The following SAMD4B variants were observed in gnomAD, a reference collection of about 807,000 sequenced individuals.
The protein encoded by SAMD4B is sterile alpha motif domain containing 4B, also known as protein Smaug homolog 2.
In SAMD4B, 5 loss-of-function variants were observed where a neutral mutation model predicts 74.5. The ratio of observed to expected loss-of-function variants is 0.07; its 90% CI spans 0.04 to 0.14. SAMD4B has a LOEUF of 0.14. Among genes scored for constraint, SAMD4B ranks in the 10% least tolerant of loss-of-function variants. SAMD4B has a pLI of 1.00. For synonymous variants in SAMD4B, 373 were observed against 374.9 expected, an observed-to-expected ratio of 1.00 and a Z score of 0.06; for missense variants, 608 against 921.8, an observed-to-expected ratio of 0.66 and a Z score of 4.41.
intron 3 of SAMD4B, among the ~76,000 whole-genome samples, chr19:39,357,440 G>A (rs766656493): frequency 6.6e-6 from 1 of 152,140 alleles, no homozygotes; most frequent in Non-Finnish European, 1.5e-5. Context: ...TAAGCTTCAG[G>A]ATATCAGGGC....
At chr19:39,359,157 C>T (rs1188058823) in intron 3 of SAMD4B, among the ~76,000 whole-genome samples, 9 of 152,226 alleles carry the variant, frequency 5.9e-5, no homozygotes, top group Admixed American at 3.9e-4. Flanking sequence ...TGATATGACT[C>T]TGCCTTTATA....
At chr19:39,345,521 G>C (rs557550665) in intron 1 of SAMD4B, among the ~76,000 whole-genome samples, 64 of 151,968 alleles carry the variant, frequency 4.2e-4, no homozygotes, top group Non-Finnish European at 6.5e-4. Context: ...CTTCACATAG[G>C]CACCCTCCCC....
At chr19:39,344,360 G>T (rs998013863) in intron 1 of SAMD4B, among the ~76,000 whole-genome samples, 2 of 151,122 alleles carry the variant, frequency 1.3e-5, no homozygotes, top group African/African-American at 4.8e-5. Flanking sequence ...CCTCAACTGA[G>T]ATCTCTGAAG....
At chr19:39,377,161 C>T (rs1196146816) in intron 7 of SAMD4B, among the ~76,000 whole-genome samples, 6 of 152,118 alleles carry the variant, frequency 3.9e-5, no homozygotes, top group Non-Finnish European at 8.8e-5. Context: ...CATCTGATTC[C>T]GTTTCCTTGC....
intron 1 of SAMD4B, among the ~76,000 whole-genome samples, chr19:39,344,264 C>G (rs752191410): frequency 6.6e-6 from 1 of 152,114 alleles, no homozygotes; most frequent in Non-Finnish European, 1.5e-5. Flanking sequence ...TCCTATAATT[C>G]TTTCTGAAAA....
chr19:39,380,950 TCTG>T, intron 11 of SAMD4B, 37 bp from the exon 12 acceptor site: 1 of 1,573,774 alleles, frequency 6.4e-7, no homozygotes, highest in Non-Finnish European at 8.6e-7. Context: ...CTGGGCCTCT[TCTG>T]CACTCACTAC....
intron 11 of SAMD4B, 71 bp from the exon 12 acceptor site, chr19:39,380,919 C>T: frequency 6.5e-7 from 1 of 1,543,732 alleles, no homozygotes; most frequent in East Asian, 2.3e-5. Flanking sequence ...AAGGCCTGTA[C>T]CACCTCCACC....
At position 39,383,875 on chromosome 19, in the gene SAMD4B, G is replaced by A. The variant is rs2078153983; in HGVS notation, c.*348G>A. On this transcript the variant is annotated 3_prime_UTR_variant, in exon 14 of 14. Transcript: ENST00000610417. The surrounding 1 kb of genome is among the most constrained non-coding windows in gnomAD (Gnocchi z 4.1). ...GCTGACCACCTGCCTCTCCCCAAGG[G>A]AGCAGACTCCCCAGAGACAAACTGA... is the stretch of plus-strand genomic sequence containing the variant. 38 of 651,300 alleles carry A rather than the reference G, an allele frequency of 5.8e-5. No individual in the cohort carries two copies. The South Asian group carries it at 7.2e-4, about 12-fold the overall frequency. The allele number at this position is 651,300 out of a possible 1,614,324, so 40.3% of individuals were successfully genotyped here. A position where few individuals can be genotyped will look rare whatever the true frequency, so the allele number is the denominator to read the frequency against.
At chr19:39,374,172 G>A (rs2077466101) in intron 4 of SAMD4B, among the ~76,000 whole-genome samples, 2 of 152,144 alleles carry the variant, frequency 1.3e-5, no homozygotes, top group South Asian at 2.1e-4. Context: ...TCGGGAGGCT[G>A]AGGCAGGAGA....
chr19:39,363,074 A>G (rs1445009794), intron 3 of SAMD4B, among the ~76,000 whole-genome samples: 2 of 152,116 alleles, frequency 1.3e-5, no homozygotes, highest in African/African-American at 4.8e-5. Flanking sequence ...AGGCTACTCC[A>G]ATTGTTGCAC....
intron 9 of SAMD4B, among the ~76,000 whole-genome samples, chr19:39,379,325 C>T (rs577236754): frequency 1.3e-5 from 2 of 152,168 alleles, no homozygotes; most frequent in Non-Finnish European, 2.9e-5. Flanking sequence ...TTGTCAGCAA[C>T]AGTACCCTTT....
chr19:39,389,107 C>T, downstream of SAMD4B: 1 of 1,614,006 alleles, frequency 6.2e-7, no homozygotes, highest in Non-Finnish European at 8.5e-7. The surrounding 1 kb of genome is among the most constrained non-coding windows in gnomAD (Gnocchi z 5.3). Context: ...TTCTGGGCAT[C>T]CTCAAAAGTC....
At chr19:39,369,360 T>G in intron 3 of SAMD4B, 1 of 377,792 alleles carries the variant, frequency 2.6e-6, no homozygotes, top group South Asian at 2.9e-5. Flanking sequence ...ATGGAGCAGG[T>G]CAAAACTCCC....
At chr19:39,350,926 AAACGG>A (rs2076004266) in intron 1 of SAMD4B, 1 of 152,178 alleles carries the variant, frequency 6.6e-6, no homozygotes, top group African/African-American at 2.4e-5. Context: ...TTTTTTGTAG[AAACGG>A]TTTTGCCATG....
rs1400634295 is a variant in SAMD4B, at chr19:39,383,503, G to A, written c.2061G>A (p.Gly687=). The part of the protein sequence containing the change: ...LSMTEHALGD[G]TDKTSTI ...TTCCTCCCTTTCTTACCACAGATGGGACAGACAAAACCTCCACCATCTGAC... is the reference window on the plus strand; with the variant it reads ...TTCCTCCCTTTCTTACCACAGATGGAACAGACAAAACCTCCACCATCTGAC... The change falls in exon 14 of 14, where the codon GGG becomes GGA. Residue 687 remains glycine (G), a synonymous_variant. Coordinates refer to ENST00000610417, the MANE Select transcript of SAMD4B (RefSeq NM_001384574.2). The surrounding 1 kb of genome is among the most constrained non-coding windows in gnomAD (Gnocchi z 4.1). 3 of 1,614,114 alleles carry A rather than the reference G, an allele frequency of 1.9e-6. No homozygotes were observed. In the Admixed American group the frequency reaches 5.0e-5, roughly 27 times the overall value.
chr19:39,381,268 G>A, intron 12 of SAMD4B, 155 bp downstream of exon 12: 1 of 902,266 alleles, frequency 1.1e-6, no homozygotes, highest in Non-Finnish European at 1.6e-6. Context: ...CAATTGTGGG[G>A]GGTTGTTTTC....
intron 7 of SAMD4B, 65 bp from the exon 8 acceptor site, chr19:39,377,420 G>A: frequency 7.2e-7 from 1 of 1,382,296 alleles, no homozygotes. Context: ...GACTCTCTGT[G>A]TAGATACTCT....
intron 1 of SAMD4B, among the ~76,000 whole-genome samples, chr19:39,346,095 G>A (rs573512354): frequency 5.3e-4 from 81 of 152,178 alleles, no homozygotes; most frequent in Non-Finnish European, 1.1e-3. Flanking sequence ...CTGTTTCTAG[G>A]GCCCAGAAGG....
At chr19:39,357,169 C>A in intron 3 of SAMD4B, 80 bp downstream of exon 3, 2 of 1,295,336 alleles carry the variant, frequency 1.5e-6, no homozygotes, top group East Asian at 2.6e-5. Context: ...AAGGTCAACC[C>A]AACAATGGGA....
Sources: gnomAD v4.1 joint callset for allele counts (sites outside exome capture counted in the v4.1 genomes callset) on GRCh38, gnomAD v4.1.1 for gene constraint, Gnocchi (gnomAD v3.1) non-coding constraint, MANE v1.5 for transcripts, NCBI Gene and HGNC (gene_info 2026-07-23, HGNC 2026-07-21) for gene names.